Variants in CADPS observed in about 807,000 individuals in gnomAD.
CADPS encodes calcium dependent secretion activator, also known as calcium-dependent secretion activator 1.
In CADPS, 57 loss-of-function variants were observed where a neutral mutation model predicts 167.3. The observed-to-expected ratio is 0.34, with a 90% CI of 0.28 to 0.42. The LOEUF (loss-of-function observed/expected upper bound fraction) is 0.42, where lower values mean the gene tolerates loss of function less well. Among genes scored for constraint, CADPS ranks in the 20% least tolerant of loss-of-function variants. The probability of loss-of-function intolerance (pLI) is 1.00; values close to 1 mark genes in which losing one functional copy is unlikely to be tolerated. For synonymous variants in CADPS, 676 were observed against 635.3 expected (o/e 1.06, Z -0.96); for missense variants, 1,414 against 1,738.1 (o/e 0.81, Z 3.32).
At chr3:62,599,727 A>ATT (rs1562707868) in intron 6 of CADPS, among the ~76,000 whole-genome samples, 3 of 8,388 alleles carry the variant, frequency 3.6e-4, no homozygotes, top group Non-Finnish European at 6.6e-4. Context: ...TAATATATAT[A>ATT]GTATATATAA....
chr3:62,513,440 CT>C (rs1311846347), intron 16 of CADPS, among the ~76,000 whole-genome samples: 2 of 151,828 alleles, frequency 1.3e-5, no homozygotes, highest in African/African-American at 4.8e-5. Flanking sequence ...AAACAAATGG[CT>C]TAATTGTCTA....
At chr3:62,589,060 A>T (rs1208285619) in intron 7 of CADPS, among the ~76,000 whole-genome samples, 1 of 121,852 alleles carries the variant, frequency 8.2e-6, no homozygotes, top group East Asian at 2.4e-4. Flanking sequence ...TTGTTTTCAC[A>T]ATGTGCATGA....
intron 28 of CADPS, chr3:62,403,953 G>T (rs958343373): frequency 6.6e-6 from 1 of 152,226 alleles, no homozygotes; most frequent in African/African-American, 2.4e-5. Context: ...AATGCTTGAA[G>T]CTGTGTCACT....
At chr3:62,684,776 T>G (rs995615118) in intron 3 of CADPS, among the ~76,000 whole-genome samples, 1 of 152,018 alleles carries the variant, frequency 6.6e-6, no homozygotes, top group Non-Finnish European at 1.5e-5. Flanking sequence ...TCTATGCACC[T>G]GGTCAGAGTA....
At chr3:62,543,311 G>C (rs748077912) in intron 11 of CADPS, among the ~76,000 whole-genome samples, 1 of 152,140 alleles carries the variant, frequency 6.6e-6, no homozygotes, top group Non-Finnish European at 1.5e-5. Flanking sequence ...AATTTTATGA[G>C]ATAAAACTAC....
rs114337609 is a variant in CADPS at position 62,627,777 on chromosome 3, T to C, written c.1325+17945A>G. 2.3e-3 allele frequency among the ~76,000 whole-genome samples: 353 copies of C among 152,282 alleles called. 3 individuals are homozygous for C. The highest frequency in any genetic ancestry group is 8.0e-3 in the African/African-American group (332 of 41,554). On this transcript the variant is annotated intron_variant, in intron 6 of 29. Coordinates refer to ENST00000383710, the MANE Select transcript of CADPS (RefSeq NM_003716.4). ...CATGCTCGCTCGAGTCTGCCTTTGT[T>C]CCCCTCCCTCCCTCATCTGGATTGT...
In CADPS at chr3:62,403,069, C is replaced by T. The variant is rs747491619; in HGVS notation, c.3882+12G>A. On this transcript the variant is annotated intron_variant, in intron 29 of 29. Transcript: ENST00000383710. ...GCTATTTGCAAAGAAGAATAATAAT[C>T]TTTTCTTTTACCTTTACCATCCTAA... 3.3e-6 allele frequency: 5 copies of T among 1,510,504 alleles called. No individual in the cohort carries two copies. In the Admixed American group the frequency reaches 8.5e-5, roughly 26 times the overall value. The allele number at this position is 1,510,504 out of a possible 1,614,324, so 93.6% of individuals were successfully genotyped here. A position where few individuals can be genotyped will look rare whatever the true frequency, so the allele number is the denominator to read the frequency against.
chr3:62,530,452 A>G (rs577203856), intron 13 of CADPS, among the ~76,000 whole-genome samples: 9 of 152,160 alleles, frequency 5.9e-5, no homozygotes, highest in Non-Finnish European at 1.3e-4. Flanking sequence ...GTCACTGAAC[A>G]CCTGACTCAA....
At chr3:62,439,308 G>T (rs1449371842) in intron 27 of CADPS, 1 of 152,158 alleles carries the variant, frequency 6.6e-6, no homozygotes, top group Non-Finnish European at 1.5e-5. Context: ...AGAAACAGTA[G>T]GACTGTATTT....
At chr3:62,754,086 C>T (rs567658124) in intron 2 of CADPS, among the ~76,000 whole-genome samples, 5 of 152,340 alleles carry the variant, frequency 3.3e-5, no homozygotes, top group African/African-American at 1.2e-4. Context: ...CATAGGTTCT[C>T]TGCCCCTTAG....
At chr3:62,440,618 C>T (rs2056134393) in intron 27 of CADPS, 1 of 151,708 alleles carries the variant, frequency 6.6e-6, no homozygotes, top group Non-Finnish European at 1.5e-5. Flanking sequence ...GATAAAGCCT[C>T]AGCACAAAAC....
chr3:62,462,422 C>T (rs543796513), intron 26 of CADPS, among the ~76,000 whole-genome samples: 83 of 152,356 alleles, frequency 5.4e-4, no homozygotes, highest in Middle Eastern at 3.4e-3. Flanking sequence ...CGTGCCACTG[C>T]AGACGTTTTC....
At chr3:62,819,868 A>T (rs9842219) in intron 1 of CADPS, among the ~76,000 whole-genome samples, 2 of 152,202 alleles carry the variant, frequency 1.3e-5, no homozygotes, top group Admixed American at 1.3e-4. Flanking sequence ...CTGGTCTCCC[A>T]TGAACTCTGC....
intron 1 of CADPS, among the ~76,000 whole-genome samples, chr3:62,806,510 A>G (rs2094110391): frequency 6.6e-6 from 1 of 152,122 alleles, no homozygotes; most frequent in East Asian, 1.9e-4. Context: ...AGTCTGGACA[A>G]CAGAGCAAAA....
chr3:62,705,254 C>G (rs1034216786), intron 3 of CADPS, among the ~76,000 whole-genome samples: 8 of 152,072 alleles, frequency 5.3e-5, no homozygotes, highest in Non-Finnish European at 8.8e-5. Context: ...CTCTCCCTTT[C>G]GAGGCAGTAA....
At chr3:62,820,795 G>GTTTTTTTTTTTTTTTTTTTTTTTTTTTT (rs5849504) in intron 1 of CADPS, among the ~76,000 whole-genome samples, 1 of 137,996 alleles carries the variant, frequency 7.2e-6, no homozygotes, top group Non-Finnish European at 1.5e-5. Context: ...CTTTTTTTTG[G>GTTTTTTTTTTTTTTTTTTTTTTTTTTTT]TTTTTTTTTT....
chr3:62,521,660 G>T (rs1054014734), intron 13 of CADPS, among the ~76,000 whole-genome samples: 19 of 152,146 alleles, frequency 1.2e-4, no homozygotes, highest in Admixed American at 2.0e-4. Context: ...CAGAACACCT[G>T]CCTAGAAGCC....
chr3:62,538,380 C>T (rs919962177), intron 11 of CADPS, among the ~76,000 whole-genome samples: 1 of 152,164 alleles, frequency 6.6e-6, no homozygotes, highest in East Asian at 1.9e-4. Flanking sequence ...TAATGACACT[C>T]CTGCAATCCA....
chr3:62,849,321 G>A (rs2078090611), intron 1 of CADPS, among the ~76,000 whole-genome samples: 1 of 145,098 alleles, frequency 6.9e-6, no homozygotes, highest in Admixed American at 6.9e-5. Context: ...ATGTTGAATA[G>A]GAGTGGTGAG....
Sources: allele counts gnomAD v4.1 joint callset (sites outside exome capture counted in the v4.1 genomes callset), GRCh38; gene constraint gnomAD v4.1.1; transcripts MANE v1.5; gene names NCBI Gene and HGNC (gene_info 2026-07-23, HGNC 2026-07-21).